FHIT: variants seen among roughly 807,000 people sequenced by gnomAD.
FHIT encodes the protein fragile histidine triad diadenosine triphosphatase.
Under a neutral mutation model 17.9 loss-of-function variants are expected in FHIT, and 19 were observed. The observed-to-expected ratio is 1.06, with a 90% CI of 0.74 to 1.56. The LOEUF (loss-of-function observed/expected upper bound fraction) is 1.56. Among genes scored for constraint, FHIT ranks in the 40% most tolerant of loss-of-function variants. The pLI is 0.00. For synonymous variants in FHIT, 81 were observed against 69.7 expected (o/e 1.16, Z -0.81); for missense variants, 248 against 189.2 (o/e 1.31, Z -1.82).
rs1171288306 is a variant in FHIT, at chr3:60,466,307, T to C, written c.103+70553A>G. Among the ~76,000 whole-genome samples, 5 of 152,202 alleles carry C rather than the reference T, an allele frequency of 3.3e-5. No homozygotes were observed. In the East Asian group the frequency reaches 9.6e-4, roughly 29 times the overall value. The stretch of plus-strand genomic sequence containing the variant: ...GGTAGAGTCTTTAGATTTTTCCAAA[T>C]ATAAGATCGTATCATCTGCAAACAA... On this transcript the variant is annotated intron_variant, in intron 5 of 9. Transcript: ENST00000492590.
intron 5 of FHIT, among the ~76,000 whole-genome samples, chr3:60,136,066 T>G (rs1699802749): frequency 1.3e-5 from 2 of 152,184 alleles, no homozygotes; most frequent in African/African-American, 4.8e-5. Context: ...TGAGGTCAAG[T>G]ACAGAGTCTA....
chr3:60,213,021 C>G (rs763114060), intron 5 of FHIT, among the ~76,000 whole-genome samples: 1 of 152,140 alleles, frequency 6.6e-6, no homozygotes, highest in Non-Finnish European at 1.5e-5. Context: ...AGAGAGGGAT[C>G]TGTGTCCCTC....
intron 5 of FHIT, among the ~76,000 whole-genome samples, chr3:60,169,778 T>G (rs562229710): frequency 7.9e-4 from 120 of 152,228 alleles, no homozygotes; most frequent in Non-Finnish European, 1.4e-3. Flanking sequence ...TTAGAAGAAC[T>G]TGGATCTCCG....
chr3:59,993,520 C>T (rs965153757), intron 7 of FHIT, among the ~76,000 whole-genome samples: 1 of 152,022 alleles, frequency 6.6e-6, no homozygotes, highest in African/African-American at 2.4e-5. Flanking sequence ...TGGCAAACAG[C>T]CTCTCTACCT....
intron 4 of FHIT, among the ~76,000 whole-genome samples, chr3:60,590,443 T>A (rs1438679960): frequency 2.0e-5 from 3 of 152,086 alleles, no homozygotes; most frequent in African/African-American, 7.2e-5. Flanking sequence ...ATTCTTAGGA[T>A]GTTATTGATG....
At chr3:60,281,354 G>C (rs1707442838) in intron 5 of FHIT, among the ~76,000 whole-genome samples, 1 of 152,118 alleles carries the variant, frequency 6.6e-6, no homozygotes, top group South Asian at 2.1e-4. Flanking sequence ...AGTTCATAGA[G>C]AAGGGCTCAA....
At chr3:60,539,674 A>G (rs2036115363) in intron 4 of FHIT, among the ~76,000 whole-genome samples, 1 of 152,194 alleles carries the variant, frequency 6.6e-6, no homozygotes, top group Non-Finnish European at 1.5e-5. Context: ...CATCATTCTC[A>G]GCAAACTATC....
intron 3 of FHIT, among the ~76,000 whole-genome samples, chr3:60,858,114 C>A (rs1553750446): frequency 6.6e-6 from 1 of 152,154 alleles, no homozygotes; most frequent in Non-Finnish European, 1.5e-5. Context: ...CAGTGCCTAG[C>A]ACAGTGCTTG....
chr3:60,950,069 T>C (rs1708810467), intron 3 of FHIT, among the ~76,000 whole-genome samples: 1 of 152,246 alleles, frequency 6.6e-6, no homozygotes, highest in South Asian at 2.1e-4. Flanking sequence ...ATAAAGTCAT[T>C]GTGCATGCAT....
chr3:59,895,011 C>G (rs1464245163), intron 8 of FHIT, among the ~76,000 whole-genome samples: 1 of 152,216 alleles, frequency 6.6e-6, no homozygotes, highest in African/African-American at 2.4e-5. Context: ...CAGGGGTTCT[C>G]AACTGGTGAC....
intron 3 of FHIT, among the ~76,000 whole-genome samples, chr3:61,004,335 CA>C (rs2031300869): frequency 6.6e-6 from 1 of 152,106 alleles, no homozygotes; most frequent in African/African-American, 2.4e-5. Flanking sequence ...TATGCAGTTT[CA>C]AAAAAGTTGC....
chr3:60,215,826 C>T (rs992960291), intron 5 of FHIT, among the ~76,000 whole-genome samples: 3 of 152,028 alleles, frequency 2.0e-5, no homozygotes, highest in African/African-American at 4.8e-5. Flanking sequence ...CTTGGTAACA[C>T]GAAATTTCCA....
intron 4 of FHIT, among the ~76,000 whole-genome samples, chr3:60,592,272 A>C (rs35300348): frequency 0.2 from 29,308 of 146,826 alleles, 3,113 homozygotes; most frequent in African/African-American, 0.25. Flanking sequence ...CTCTCTCTAT[A>C]TATATATATA....
At chr3:60,030,900 A>C (rs1004710087) in intron 5 of FHIT, among the ~76,000 whole-genome samples, 1 of 152,236 alleles carries the variant, frequency 6.6e-6, no homozygotes, top group African/African-American at 2.4e-5. Flanking sequence ...GAGTAGAAAA[A>C]ATAACTGTTA....
intron 7 of FHIT, among the ~76,000 whole-genome samples, chr3:60,000,133 C>T (rs1458839251): frequency 6.6e-6 from 1 of 152,140 alleles, no homozygotes; most frequent in East Asian, 1.9e-4. Context: ...AACAGCCCAT[C>T]CACAACTAAT....
intron 2 of FHIT, among the ~76,000 whole-genome samples, chr3:61,057,729 C>T (rs72875946): frequency 0.013 from 1,929 of 152,206 alleles, 42 homozygotes; most frequent in African/African-American, 0.043. Context: ...TCACTGCACT[C>T]GGGTGGCAGA....
intron 5 of FHIT, among the ~76,000 whole-genome samples, chr3:60,158,703 GCTAC>G (rs1700813287): frequency 6.6e-6 from 1 of 152,168 alleles, no homozygotes; most frequent in African/African-American, 2.4e-5. Flanking sequence ...AAGAGTGACT[GCTAC>G]TTCATTATGA....
intron 5 of FHIT, among the ~76,000 whole-genome samples, chr3:60,328,417 C>T (rs376204086): frequency 5.9e-5 from 9 of 152,056 alleles, no homozygotes; most frequent in East Asian, 3.9e-4. Flanking sequence ...TGGAGGAAGG[C>T]GAAGGAAGAG....
At chr3:61,100,906 T>C (rs967134857) in intron 2 of FHIT, among the ~76,000 whole-genome samples, 56 of 152,334 alleles carry the variant, frequency 3.7e-4, no homozygotes, top group Admixed American at 5.9e-4. Context: ...TTGATGGGTT[T>C]GTTTGGCTTT....
Sources: gnomAD v4.1 joint callset for allele counts (sites outside exome capture counted in the v4.1 genomes callset) on GRCh38, gnomAD v4.1.1 for gene constraint, MANE v1.5 for transcripts, NCBI Gene and HGNC (gene_info 2026-07-23, HGNC 2026-07-21) for gene names.